Variants in BMPR1B observed in about 807,000 individuals in gnomAD.
BMPR1B encodes bone morphogenetic protein receptor type 1B.
Under a neutral mutation model 59.1 loss-of-function variants are expected in BMPR1B, and 12 were observed. The observed-to-expected ratio is 0.20, with a 90% CI of 0.13 to 0.33. The LOEUF is 0.33. Ranked by LOEUF, BMPR1B falls within the 10% of genes least tolerant of loss-of-function variation. The pLI, the probability that BMPR1B is intolerant of heterozygous loss-of-function variation, is 1.00. For synonymous variants in BMPR1B, 237 were observed against 207.3 expected, an observed-to-expected ratio of 1.14 and a Z score of -1.23; for missense variants, 550 against 610.9, an observed-to-expected ratio of 0.90 and a Z score of 1.05.
chr4:94,868,304 G>C (rs186288496), intron 1 of BMPR1B, among the ~76,000 whole-genome samples: 3 of 152,168 alleles, frequency 2.0e-5, no homozygotes, highest in Non-Finnish European at 2.9e-5. Flanking sequence ...AGGTAGCTGA[G>C]ATTACAGGTG....
chr4:94,862,981 G>T (rs1726057372), intron 1 of BMPR1B, among the ~76,000 whole-genome samples: 1 of 150,686 alleles, frequency 6.6e-6, no homozygotes, highest in African/African-American at 2.4e-5. Flanking sequence ...AGCTGGGCAT[G>T]GTGGTGGGCG....
rs552045746 is a variant in BMPR1B, at chr4:94,901,061, T to G, written c.-113+25161T>G. 5.9e-5 allele frequency among the ~76,000 whole-genome samples: 9 copies of G among 152,090 alleles called. No homozygotes were observed. In the East Asian group the frequency reaches 1.8e-3, roughly 30 times the overall value. ...AGAGGGCCAGTTAGGTGTCCTTTTC[T>G]GTTAATACTTTGTGCAGGGTTGGTA... On this transcript the variant is annotated intron_variant, in intron 2 of 12. Transcript: ENST00000515059.
chr4:94,951,050 A>G (rs1729914154), intron 2 of BMPR1B, among the ~76,000 whole-genome samples: 1 of 152,128 alleles, frequency 6.6e-6, no homozygotes, highest in East Asian at 1.9e-4. Flanking sequence ...GCAATTGTGA[A>G]TGGGAGTTTG....
intron 3 of BMPR1B, among the ~76,000 whole-genome samples, chr4:95,029,824 G>A (rs1464362118): frequency 1.3e-5 from 2 of 152,142 alleles, no homozygotes; most frequent in Non-Finnish European, 1.5e-5. Context: ...GTGTGAGATG[G>A]TATCTCATTG....
At chr4:94,784,579 T>C (rs948872012) in intron 1 of BMPR1B, among the ~76,000 whole-genome samples, 1 of 152,136 alleles carries the variant, frequency 6.6e-6, no homozygotes, top group Non-Finnish European at 1.5e-5. Flanking sequence ...ACTAGTCTTA[T>C]ACTCCTGGCC....
chr4:94,876,174 C>G (rs1460304421), intron 2 of BMPR1B, among the ~76,000 whole-genome samples: 1 of 152,232 alleles, frequency 6.6e-6, no homozygotes, highest in Admixed American at 6.5e-5. Context: ...CACACTTAGT[C>G]TGTTCCTCAA....
chr4:94,968,173 A>C (rs1024868319), intron 2 of BMPR1B, among the ~76,000 whole-genome samples: 2 of 152,090 alleles, frequency 1.3e-5, no homozygotes, highest in African/African-American at 4.8e-5. Flanking sequence ...CTTGGTATGT[A>C]TGCTTTATTT....
chr4:95,089,217 C>G (rs1048978982), intron 3 of BMPR1B, among the ~76,000 whole-genome samples: 3 of 151,966 alleles, frequency 2.0e-5, no homozygotes, highest in African/African-American at 7.2e-5. Context: ...ATACATCTAC[C>G]TTATGTTGGT....
intron 1 of BMPR1B, among the ~76,000 whole-genome samples, chr4:94,778,405 G>A (rs1395696342): frequency 1.3e-5 from 2 of 152,072 alleles, no homozygotes; most frequent in Non-Finnish European, 2.9e-5. Flanking sequence ...CATTTTGCTT[G>A]AAGATGTATT....
At chr4:94,800,976 A>G (rs949438800) in intron 1 of BMPR1B, among the ~76,000 whole-genome samples, 1 of 152,210 alleles carries the variant, frequency 6.6e-6, no homozygotes, top group African/African-American at 2.4e-5. Context: ...TAGATTAGTC[A>G]GAGGAGGATT....
chr4:94,958,026 A>G (rs531988819), intron 2 of BMPR1B, among the ~76,000 whole-genome samples: 2 of 152,186 alleles, frequency 1.3e-5, no homozygotes, highest in African/African-American at 2.4e-5. Context: ...ATGTTTTCTA[A>G]TTCTCAGTCC....
At chr4:95,128,811 C>A (rs1733088406) in intron 8 of BMPR1B, among the ~76,000 whole-genome samples, 1 of 152,124 alleles carries the variant, frequency 6.6e-6, no homozygotes, top group South Asian at 2.1e-4. Context: ...AGTTACTTGG[C>A]ATTCTGTATC....
In BMPR1B at chr4:95,104,151, T is replaced by G. The variant is rs7665167; in HGVS notation, c.-17-257T>G. On this transcript the variant is annotated intron_variant, in intron 3 of 12. Transcript: ENST00000515059. ...ATGTCTCATTGAGCTCCTTGCACTG[T>G]ATTAAATATAGCTGTTACAATTTAA... Among the ~76,000 whole-genome samples, 127,172 of 151,806 alleles carry G rather than the reference T, an allele frequency of 0.84. 53,262 individuals are homozygous for G. The highest frequency in any genetic ancestry group is 0.88 in the South Asian group (4,237 of 4,810).
chr4:94,962,457 A>G (rs1327537358), intron 2 of BMPR1B, among the ~76,000 whole-genome samples: 1 of 151,980 alleles, frequency 6.6e-6, no homozygotes, highest in Non-Finnish European at 1.5e-5. Context: ...GTACCCATTA[A>G]TCAACATCTC....
At chr4:94,940,947 G>A (rs2149043905) in intron 2 of BMPR1B, among the ~76,000 whole-genome samples, 1 of 152,084 alleles carries the variant, frequency 6.6e-6, no homozygotes, top group East Asian at 1.9e-4. Context: ...ACATTATAAG[G>A]TTGAAGGACA....
chr4:95,026,114 CTTTCTTTCTTTCTTTCTTTCT>C lies in BMPR1B; in HGVS notation c.-18+29983_-18+30003del, dbSNP rs1560602928. Among the ~76,000 whole-genome samples, 433 of 142,622 alleles carry C rather than the reference CTTTCTTTCTTTCTTTCTTTCT, an allele frequency of 3.0e-3. 1 individual carries two copies. Among genetic ancestry groups the C allele is most frequent in the African/African-American group, 0.011 (408 of 37,330 alleles). 93.6% of individuals were successfully genotyped at this position (142,622 alleles called of 152,430 possible). A position where few individuals can be genotyped will look rare whatever the true frequency, so the allele number is the denominator to read the frequency against. Reference sequence around the variant, plus strand: ...CTTTCTTTCATTTCTTTCTTTCTTTCTTTCTTTCTTTCTTTCTTTCTTTCTTTCTTTCTTTCTTTCTTTCTT... The same window carrying C: ...CTTTCTTTCATTTCTTTCTTTCTTTCTTCTTTCTTTCTTTCTTTCTTTCTT... On this transcript the variant is annotated intron_variant, in intron 3 of 12. Transcript: ENST00000515059.
chr4:95,065,445 T>G (rs1309993862), intron 3 of BMPR1B, among the ~76,000 whole-genome samples: 1 of 152,176 alleles, frequency 6.6e-6, no homozygotes, highest in Admixed American at 6.5e-5. Flanking sequence ...TTATAGTATG[T>G]TAATTATATC....
At chr4:95,038,983 C>CAGCT (rs1275005602) in intron 3 of BMPR1B, among the ~76,000 whole-genome samples, 1 of 152,144 alleles carries the variant, frequency 6.6e-6, no homozygotes, top group East Asian at 1.9e-4. Context: ...TTTCACTTTT[C>CAGCT]AGCTGGGTGT....
At chr4:95,089,351 C>G (rs1380897104) in intron 3 of BMPR1B, among the ~76,000 whole-genome samples, 1 of 151,624 alleles carries the variant, frequency 6.6e-6, no homozygotes, top group Non-Finnish European at 1.5e-5. Flanking sequence ...ATTGGGAGAG[C>G]CCATATTGAC....
Sources: allele counts gnomAD v4.1 joint callset (sites outside exome capture counted in the v4.1 genomes callset), GRCh38; gene constraint gnomAD v4.1.1; transcripts MANE v1.5; gene names NCBI Gene and HGNC (gene_info 2026-07-23, HGNC 2026-07-21).